Variants in FBN2 observed in about 807,000 individuals in gnomAD.
FBN2 encodes fibrillin 2.
FBN2 carries 105 observed loss-of-function variants against 355.6 expected under a neutral mutation model. That is an observed-to-expected ratio of 0.30 (90% CI 0.25 to 0.35). The LOEUF (loss-of-function observed/expected upper bound fraction) is 0.35. FBN2 is among the 10% of genes least tolerant of loss of function. The probability of loss-of-function intolerance (pLI) is 1.00; values close to 1 mark genes in which losing one functional copy is unlikely to be tolerated. For missense variants in FBN2, 3,280 were observed against 3,758.7 expected (o/e 0.87, Z 3.33); for synonymous variants, 1,350 against 1,301.2 (o/e 1.04, Z -0.81).
intron 4 of FBN2, among the ~76,000 whole-genome samples, chr5:128,521,187 T>C (rs1026969474): frequency 6.6e-6 from 1 of 152,134 alleles, no homozygotes; most frequent in Non-Finnish European, 1.5e-5. Context: ...TATCCAGCCA[T>C]AAAAAGGAAC....
At chr5:128,299,435 A>ATTG (rs1561756634) in intron 48 of FBN2, among the ~76,000 whole-genome samples, 1 of 126,024 alleles carries the variant, frequency 7.9e-6, no homozygotes, top group African/African-American at 3.3e-5. Context: ...CCCCAGCCTC[A>ATTG]CAGTTTGATC....
Position 128,388,638 on chromosome 5 carries a change from T to C in FBN2, c.1603+3380A>G, listed in dbSNP as rs1047604119. Among the ~76,000 whole-genome samples the C allele has an allele frequency of 2.6e-5, 4 of 152,338 alleles. No individual in the cohort carries two copies. In the East Asian group the frequency reaches 7.7e-4, roughly 29 times the overall value. On this transcript the variant is annotated intron_variant, in intron 11 of 64. Coordinates refer to ENST00000262464, the MANE Select transcript of FBN2 (RefSeq NM_001999.4). ...TAAAATTCTTGGTTGGGATTTCTTT[T>C]CTTTAAGAATGCTGAATATAGGCAC...
intron 5 of FBN2, among the ~76,000 whole-genome samples, chr5:128,514,394 C>T (rs193143834): frequency 1.3e-5 from 2 of 152,174 alleles, no homozygotes; most frequent in African/African-American, 4.8e-5. Context: ...TTTGTTCCTA[C>T]TCCTATTACG....
intron 26 of FBN2, 123 bp from the exon 27 acceptor site, chr5:128,338,245 T>A: frequency 1.0e-6 from 1 of 978,566 alleles, no homozygotes; most frequent in East Asian, 2.6e-5. Context: ...AGATGCTTCA[T>A]AGGAGATGGG....
At chr5:128,366,959 C>A (rs1751788646) in intron 16 of FBN2, among the ~76,000 whole-genome samples, 1 of 152,114 alleles carries the variant, frequency 6.6e-6, no homozygotes, top group Non-Finnish European at 1.5e-5. Flanking sequence ...AGTGGAGAAG[C>A]CGACTTGGCT....
Position 128,447,151 on chromosome 5 carries a change from C to T in FBN2, c.827-545G>A, listed in dbSNP as rs56834773. Among the ~76,000 whole-genome samples, 918 of 152,154 alleles carry T rather than the reference C, an allele frequency of 6.0e-3. 6 individuals carry two copies. Among genetic ancestry groups the T allele is most frequent in the African/African-American group, 0.021 (869 of 41,522 alleles). ...CAGGACCCTGTGATGATTGCGTTAA[C>T]GGCACAAATTGTTTAAACGATATGA... On this transcript the variant is annotated intron_variant, in intron 6 of 64. Transcript: ENST00000262464.
At chr5:128,507,712 C>T (rs1389538904) in intron 5 of FBN2, among the ~76,000 whole-genome samples, 5 of 151,996 alleles carry the variant, frequency 3.3e-5, no homozygotes, top group African/African-American at 1.2e-4. Context: ...ATCTTTCTTG[C>T]TACATGTTCC....
At chr5:128,454,639 A>G (rs1385827197) in intron 6 of FBN2, among the ~76,000 whole-genome samples, 2 of 152,256 alleles carry the variant, frequency 1.3e-5, no homozygotes, top group African/African-American at 2.4e-5. Context: ...CTGAGATTAA[A>G]GTCCTCTACT....
At chr5:128,290,322 T>C (rs904855703) in intron 50 of FBN2, among the ~76,000 whole-genome samples, 1 of 152,168 alleles carries the variant, frequency 6.6e-6, no homozygotes, top group Non-Finnish European at 1.5e-5. Context: ...TCTTTTCCTG[T>C]AAAGGGCCAT....
At chr5:128,428,622 C>T (rs182060335) in intron 7 of FBN2, among the ~76,000 whole-genome samples, 2 of 152,318 alleles carry the variant, frequency 1.3e-5, no homozygotes, top group East Asian at 3.9e-4. Context: ...TTCCACACCA[C>T]ATTAGCATTT....
At chr5:128,454,279 GT>G (rs1251171058) in intron 6 of FBN2, among the ~76,000 whole-genome samples, 3 of 152,174 alleles carry the variant, frequency 2.0e-5, no homozygotes, top group Non-Finnish European at 1.5e-5. Context: ...TTTCATGTTA[GT>G]TTTTTGTGGG....
chr5:128,533,080 G>T (rs1756748882), intron 2 of FBN2, among the ~76,000 whole-genome samples: 1 of 152,158 alleles, frequency 6.6e-6, no homozygotes, highest in Non-Finnish European at 1.5e-5. Context: ...CAAATACTGT[G>T]ATGTTAAGAT....
intron 5 of FBN2, among the ~76,000 whole-genome samples, chr5:128,515,778 C>G (rs1314311422): frequency 7.0e-6 from 1 of 143,816 alleles, no homozygotes; most frequent in Non-Finnish European, 1.5e-5. Flanking sequence ...TTTCTAGTCC[C>G]TTTTTCCTTT....
At chr5:128,339,228 T>C (rs1750932650) in intron 25 of FBN2, 167 bp from the exon 26 acceptor site, 2 of 647,656 alleles carry the variant, frequency 3.1e-6, no homozygotes, top group East Asian at 2.9e-5. Flanking sequence ...GGCACATTCC[T>C]TTCCCCAACT....
At chr5:128,331,161 A>C (rs949414863) in intron 32 of FBN2, among the ~76,000 whole-genome samples, 1 of 152,204 alleles carries the variant, frequency 6.6e-6, no homozygotes, top group Non-Finnish European at 1.5e-5. Flanking sequence ...GATGTTAAAC[A>C]CAGAAAAAAA....
Position 128,408,785 on chromosome 5 carries a change from T to C in FBN2, c.967A>G (p.Ser323Gly). The C allele has an allele frequency of 3.1e-6, 5 of 1,613,980 alleles. No individual in the cohort carries two copies. In the South Asian group the frequency reaches 3.3e-5, roughly 11 times the overall value. ...TQKCEDIDEC[S>G]IIPGICETGE... ...GTTTCACATATCCCAGGAATGATGC[T>C]GCACTCATCAATGTCTAATCAAGGG... The change falls in exon 8 of 65, where the codon AGC becomes GGC. Residue 323 changes from serine (S) to glycine (G), a missense_variant. Physicochemically the swap from Ser to Gly is moderately conservative, Grantham distance 56 (BLOSUM62 0). Transcript: ENST00000262464.
rs1403687717 is a variant in FBN2 at position 128,301,530 on chromosome 5, T to C, written c.5918-20A>G. The C allele has an allele frequency of 3.1e-6, 5 of 1,611,702 alleles. No homozygotes were observed. The highest frequency in any genetic ancestry group is 2.2e-5 in the East Asian group (1 of 44,802). On this transcript the variant is annotated intron_variant, in intron 46 of 64. Coordinates refer to ENST00000262464, the MANE Select transcript of FBN2 (RefSeq NM_001999.4). The stretch of plus-strand genomic sequence containing the variant: ...CTATGTCTGTAAGCAAACAGGAGTA[T>C]GTTTTTCAGAAAGAGCTCTTAACAT...
At chr5:128,305,693 C>T (rs1749850588) in intron 43 of FBN2, 57 bp from the exon 44 acceptor site, 1 of 1,603,834 alleles carries the variant, frequency 6.2e-7, no homozygotes, top group African/African-American at 1.3e-5. Context: ...ATTAGCATTA[C>T]ATTCACGTCA....
chr5:128,261,671 C>A (rs1764974622), intron 64 of FBN2, 65 bp downstream of exon 64: 2 of 1,470,182 alleles, frequency 1.4e-6, no homozygotes, highest in African/African-American at 2.8e-5. Context: ...ACGACGTGAA[C>A]TGCACTGTAT....
Sources: allele counts gnomAD v4.1 joint callset (sites outside exome capture counted in the v4.1 genomes callset), GRCh38; gene constraint gnomAD v4.1.1; transcripts MANE v1.5; gene names NCBI Gene and HGNC (gene_info 2026-07-23, HGNC 2026-07-21).